TMEM120B: variants seen among roughly 807,000 people sequenced by gnomAD.
TMEM120B encodes transmembrane protein 120B.
TMEM120B carries 31 observed loss-of-function variants against 55.5 expected under a neutral mutation model. The observed-to-expected ratio is 0.56, with a 90% CI of 0.42 to 0.75. The LOEUF is 0.75. Ranked by LOEUF, TMEM120B falls within the 30% of genes least tolerant of loss-of-function variation. TMEM120B has a pLI of 0.00. For synonymous variants in TMEM120B, 203 were observed against 176.3 expected, an observed-to-expected ratio of 1.15 and a Z score of -1.20; for missense variants, 399 against 425.5, an observed-to-expected ratio of 0.94 and a Z score of 0.55.
intron 5 of TMEM120B, among the ~76,000 whole-genome samples, chr12:121,752,826 C>T (rs534990448): frequency 4.6e-5 from 7 of 152,118 alleles, no homozygotes; most frequent in South Asian, 2.1e-4. Flanking sequence ...AAAAGTTGGG[C>T]GTGGTGGCTC....
intron 2 of TMEM120B, among the ~76,000 whole-genome samples, chr12:121,745,312 C>T (rs970720326): frequency 1.3e-5 from 2 of 152,214 alleles, no homozygotes; most frequent in Non-Finnish European, 2.9e-5. Flanking sequence ...ACTGCTTATG[C>T]TTTCAGGTGC....
chr12:121,761,513 T>C (rs1436486951), intron 5 of TMEM120B, 136 bp from the exon 6 acceptor site: 1 of 611,628 alleles, frequency 1.6e-6, no homozygotes, highest in East Asian at 2.9e-5. Flanking sequence ...GCCTCCCTGG[T>C]GTCATAAGGG....
At position 121,780,701 on chromosome 12, in the gene TMEM120B, T is replaced by C. The variant is rs1874418473; in HGVS notation, c.*4979T>C. 5.5e-6 allele frequency: 4 copies of C among 722,398 alleles called. No homozygotes were observed. Among genetic ancestry groups the C allele is most frequent in the South Asian group, 3.8e-5 (2 of 52,748 alleles). The allele number at this position is 722,398 out of a possible 1,614,324, so 44.7% of individuals were successfully genotyped here. ...GAGTCCTAAGGATTGGGAGTAGTCG[T>C]GTAAAGTGCTCAGGTCCACAGGCCA... On this transcript the variant is annotated 3_prime_UTR_variant, in exon 12 of 12. Transcript: ENST00000449592.
At chr12:121,722,734 G>A (rs910918915) in intron 1 of TMEM120B, among the ~76,000 whole-genome samples, 4 of 152,148 alleles carry the variant, frequency 2.6e-5, no homozygotes, top group Non-Finnish European at 5.9e-5. Flanking sequence ...ACCACAGTTG[G>A]TGCTATCATG....
At chr12:121,715,609 A>G (rs1894685787) in intron 1 of TMEM120B, among the ~76,000 whole-genome samples, 1 of 152,116 alleles carries the variant, frequency 6.6e-6, no homozygotes, top group African/African-American at 2.4e-5. Flanking sequence ...TGGGGGAACT[A>G]GAAGGGACTG....
In TMEM120B at chr12:121,781,029, CAG is replaced by C; in HGVS notation, c.*5308_*5309del. The stretch of plus-strand genomic sequence containing the variant: ...CCACTGTGGAGGGAGGAGGCGGGAT[CAG>C]GGGTGCGGCCGGGCCCAGATGTGGG... On this transcript the variant is annotated 3_prime_UTR_variant, in exon 12 of 12. Coordinates refer to ENST00000449592, the MANE Select transcript of TMEM120B (RefSeq NM_001080825.2). The C allele has an allele frequency of 1.9e-6, 3 of 1,613,344 alleles. No homozygotes were observed. The highest frequency in any genetic ancestry group is 1.1e-5 in the South Asian group (1 of 91,014).
chr12:121,736,965 C>G (rs1297011237), intron 1 of TMEM120B, among the ~76,000 whole-genome samples: 1 of 152,164 alleles, frequency 6.6e-6, no homozygotes, highest in Non-Finnish European at 1.5e-5. Flanking sequence ...TTCTATATAG[C>G]ATGGTTGCCT....
intron 5 of TMEM120B, among the ~76,000 whole-genome samples, chr12:121,753,375 A>G (rs1387414003): frequency 6.6e-6 from 1 of 152,098 alleles, no homozygotes; most frequent in Non-Finnish European, 1.5e-5. Context: ...ATGTTCTCCC[A>G]GCCTGGGCAA....
chr12:121,750,466 ACCCACACCTCACACCGCC>A, intron 4 of TMEM120B, 27 bp downstream of exon 4: 1 of 1,594,132 alleles, frequency 6.3e-7, no homozygotes, highest in Non-Finnish European at 8.6e-7. Flanking sequence ...CACCACCCAG[ACCCACACCTCACACCGCC>A]CCCACACCCA....
In TMEM120B at chr12:121,773,497, C is replaced by A. The variant is rs775499500; in HGVS notation, c.756C>A (p.His252Gln). 1.2e-6 allele frequency: 2 copies of A among 1,600,596 alleles called. No individual in the cohort carries two copies. The highest frequency in any genetic ancestry group is 1.1e-5 in the South Asian group (1 of 89,846). ...YRLRALGERN[H>Q]LDLTVEGFQS... ...TGCGGGCCCTGGGGGAGAGGAACCA[C>A]CTGGATCTCACAGTGGGTGAGTAGC... The change falls in exon 9 of 12, where the codon CAC (histidine) becomes CAA (glutamine). Residue 252 changes from histidine (H) to glutamine (Q), a missense_variant. Physicochemically the swap from His to Gln is conservative, Grantham distance 24. Coordinates refer to ENST00000449592, the MANE Select transcript of TMEM120B (RefSeq NM_001080825.2).
chr12:121,759,049 T>C, intron 5 of TMEM120B: 2 of 984,028 alleles, frequency 2.0e-6, no homozygotes, highest in Non-Finnish European at 2.4e-6. Context: ...AGTTTACAGA[T>C]GGTTTAAGGG....
Position 121,781,351 on chromosome 12 carries a change from G to A in TMEM120B, c.*5629G>A. 3.1e-6 allele frequency: 2 copies of A among 639,878 alleles called. No individual in the cohort carries two copies. The highest frequency in any genetic ancestry group is 2.8e-5 in the East Asian group (1 of 35,646). The allele number at this position is 639,878 out of a possible 1,614,324, so 39.6% of individuals were successfully genotyped here. The stretch of plus-strand genomic sequence containing the variant: ...CCAGGAGTGCTGGCACAGGCCTGTG[G>A]TCGCAGCTACTCGGGAGGCTGAGGC... On this transcript the variant is annotated 3_prime_UTR_variant, in exon 12 of 12. Transcript: ENST00000449592.
intron 6 of TMEM120B, among the ~76,000 whole-genome samples, chr12:121,769,402 G>A (rs779881758): frequency 2.6e-5 from 4 of 152,178 alleles, no homozygotes; most frequent in African/African-American, 4.8e-5. Flanking sequence ...TGTCATAGCT[G>A]CAGTCCTGTG....
At chr12:121,758,340 G>A (rs1455637231) in intron 5 of TMEM120B, 3 of 985,388 alleles carry the variant, frequency 3.0e-6, no homozygotes, top group Non-Finnish European at 3.6e-6. Context: ...ACCAGGTACA[G>A]CATGCTCCAC....
intron 2 of TMEM120B, among the ~76,000 whole-genome samples, chr12:121,745,207 C>G (rs1051469371): frequency 1.3e-5 from 2 of 152,098 alleles, no homozygotes; most frequent in Non-Finnish European, 2.9e-5. Flanking sequence ...GGGTCTTAGA[C>G]CAAGGACCCC....
In TMEM120B at chr12:121,779,801, G is replaced by A. The variant is rs778738250; in HGVS notation, c.*4079G>A. 393 of 876,040 alleles carry A rather than the reference G, an allele frequency of 4.5e-4. 2 individuals carry two copies. The highest frequency in any genetic ancestry group is 6.5e-4 in the Non-Finnish European group (374 of 575,902). 54.3% of individuals were successfully genotyped at this position (876,040 alleles called of 1,614,324 possible). A position where few individuals can be genotyped will look rare whatever the true frequency, so the allele number is the denominator to read the frequency against. On this transcript the variant is annotated 3_prime_UTR_variant, in exon 12 of 12. Transcript: ENST00000449592. ...GGGCCTGTCTGTCTCCTCCATCCTG[G>A]CTGCCCCTCACAGTGTGTGGGTGGA...
chr12:121,774,864 A>C, intron 10 of TMEM120B, 142 bp downstream of exon 10: 1 of 1,202,430 alleles, frequency 8.3e-7, no homozygotes, highest in Non-Finnish European at 1.2e-6. Flanking sequence ...CTCTGGGCCC[A>C]GGGATGCCAA....
chr12:121,747,303 C>G (rs11043186), intron 2 of TMEM120B, among the ~76,000 whole-genome samples: 2 of 15,616 alleles, frequency 1.3e-4, no homozygotes, highest in Admixed American at 7.8e-4. Context: ...GGGTAGAAGG[C>G]GGGAGGCACT....
intron 3 of TMEM120B, among the ~76,000 whole-genome samples, chr12:121,750,164 A>G (rs1394131517): frequency 6.6e-6 from 1 of 151,888 alleles, no homozygotes; most frequent in Non-Finnish European, 1.5e-5. Flanking sequence ...AGCATGGAGG[A>G]GAAATCGACT....
Sources: allele counts gnomAD v4.1 joint callset (sites outside exome capture counted in the v4.1 genomes callset), GRCh38; gene constraint gnomAD v4.1.1; transcripts MANE v1.5; gene names NCBI Gene and HGNC (gene_info 2026-07-23, HGNC 2026-07-21).